Variants in MACROD2 observed in about 807,000 individuals in gnomAD.
MACROD2 encodes the protein mono-ADP ribosylhydrolase 2, also known as ADP-ribose glycohydrolase MACROD2.
A neutral mutation model predicts 70.4 loss-of-function variants in MACROD2; 36 were observed. The observed-to-expected ratio is 0.51, with a 90% CI of 0.39 to 0.68. The LOEUF is 0.68. Among genes scored for constraint, MACROD2 ranks in the 30% least tolerant of loss-of-function variants. The pLI, the probability that MACROD2 is intolerant of heterozygous loss-of-function variation, is 0.00. For synonymous variants in MACROD2, 172 were observed against 178.8 expected (o/e 0.96, Z 0.30); for missense variants, 496 against 538.4 (o/e 0.92, Z 0.78).
chr20:15,812,198 A>G (rs763651502), intron 8 of MACROD2, among the ~76,000 whole-genome samples: 1 of 152,324 alleles, frequency 6.6e-6, no homozygotes, highest in African/African-American at 2.4e-5. Context: ...TTCTTTACTT[A>G]TAACACAATG....
At chr20:15,892,153 G>C (rs1037860285) in intron 10 of MACROD2, among the ~76,000 whole-genome samples, 8 of 152,156 alleles carry the variant, frequency 5.3e-5, no homozygotes, top group African/African-American at 1.9e-4. Context: ...CAGCAGGGGT[G>C]GTGAAGGTGG....
chr20:14,538,621 C>A (rs1447161395), intron 4 of MACROD2, among the ~76,000 whole-genome samples: 1 of 152,126 alleles, frequency 6.6e-6, no homozygotes, highest in Non-Finnish European at 1.5e-5. Flanking sequence ...ACCACACCGG[C>A]CTTCTTTCTA....
intron 5 of MACROD2, among the ~76,000 whole-genome samples, chr20:14,931,146 A>T (rs1365774389): frequency 2.6e-5 from 4 of 152,192 alleles, no homozygotes; most frequent in Non-Finnish European, 5.9e-5. Flanking sequence ...GGAAGCAACC[A>T]GAAAACACAT....
At chr20:14,194,660 T>A (rs1404097471) in intron 3 of MACROD2, among the ~76,000 whole-genome samples, 1 of 152,116 alleles carries the variant, frequency 6.6e-6, no homozygotes, top group Non-Finnish European at 1.5e-5. Context: ...TAAGTGTGCC[T>A]TGATGCGAAG....
At chr20:14,605,950 A>G (rs1462006834) in intron 4 of MACROD2, among the ~76,000 whole-genome samples, 1 of 152,174 alleles carries the variant, frequency 6.6e-6, no homozygotes, top group Non-Finnish European at 1.5e-5. Flanking sequence ...TGTGTCTAGT[A>G]ATATTACCCA....
intron 13 of MACROD2, among the ~76,000 whole-genome samples, chr20:15,984,252 C>T (rs1032692824): frequency 6.6e-6 from 1 of 152,062 alleles, no homozygotes; most frequent in Admixed American, 6.5e-5. Context: ...TGTTTACACA[C>T]AGAATTTTCT....
chr20:15,467,039 C>T (rs2046901287), intron 7 of MACROD2, among the ~76,000 whole-genome samples: 1 of 152,330 alleles, frequency 6.6e-6, no homozygotes, highest in East Asian at 1.9e-4. Context: ...TGTCTATGCT[C>T]ACCATGTCCA....
intron 3 of MACROD2, among the ~76,000 whole-genome samples, chr20:14,477,049 G>C (rs1344855159): frequency 6.6e-6 from 1 of 152,136 alleles, no homozygotes; most frequent in East Asian, 1.9e-4. Context: ...GTTAACATCA[G>C]AATAATCTTT....
At chr20:14,669,388 A>G (rs771787112) in intron 4 of MACROD2, among the ~76,000 whole-genome samples, 3 of 152,200 alleles carry the variant, frequency 2.0e-5, no homozygotes, top group Non-Finnish European at 4.4e-5. Context: ...ACATCCAAGT[A>G]AAAGTTCAGA....
At chr20:14,143,916 A>G (rs544836142) in intron 3 of MACROD2, among the ~76,000 whole-genome samples, 1 of 152,338 alleles carries the variant, frequency 6.6e-6, no homozygotes, top group South Asian at 2.1e-4. Flanking sequence ...TCAATTCTGC[A>G]TTAAGGTTCC....
At chr20:15,192,889 C>G (rs1367787084) in intron 5 of MACROD2, among the ~76,000 whole-genome samples, 14 of 152,170 alleles carry the variant, frequency 9.2e-5, no homozygotes, top group Admixed American at 9.2e-4. Context: ...TTATAGTTTG[C>G]AATGTTCCTA....
At position 14,326,131 on chromosome 20, in the gene MACROD2, C is replaced by T. The variant is rs1213644026; in HGVS notation, c.272-167348C>T. ...TGTGACCAAGTACTCACTGCGTTCC[C>T]CTGTTACAATTGTTTCTGTTATAGA... On this transcript the variant is annotated intron_variant, in intron 3 of 17. Transcript: ENST00000684519. The surrounding 1 kb of genome is among the most constrained non-coding windows in gnomAD (Gnocchi z 5.5). The T allele has an allele frequency of 6.2e-7, 1 of 1,613,696 alleles. No individual in the cohort carries two copies. Among genetic ancestry groups the T allele is most frequent in the Non-Finnish European group, 8.5e-7 (1 of 1,179,876 alleles).
chr20:14,912,864 T>TG (rs1336297484), intron 5 of MACROD2, among the ~76,000 whole-genome samples: 3 of 152,194 alleles, frequency 2.0e-5, no homozygotes, highest in Non-Finnish European at 4.4e-5. Context: ...GATCTCACTG[T>TG]GGGGGCTCAT....
At chr20:15,021,266 G>GTGTATACACACACC (rs1182532373) in intron 5 of MACROD2, among the ~76,000 whole-genome samples, 3 of 12,794 alleles carry the variant, frequency 2.3e-4, no homozygotes, top group Admixed American at 1.0e-3. Context: ...ACACACCTGT[G>GTGTATACACACACC]TGTGTGTATA....
chr20:16,006,945 G>C (rs139782550), intron 15 of MACROD2, among the ~76,000 whole-genome samples: 4 of 152,154 alleles, frequency 2.6e-5, no homozygotes, highest in Non-Finnish European at 5.9e-5. Flanking sequence ...TAGGTATGGA[G>C]ATGTGCCTGT....
intron 2 of MACROD2, among the ~76,000 whole-genome samples, chr20:14,011,378 G>T (rs1248347256): frequency 6.6e-6 from 1 of 152,100 alleles, no homozygotes; most frequent in Non-Finnish European, 1.5e-5. Flanking sequence ...GACTGTATTT[G>T]CGTAAAACAG....
At chr20:14,844,076 C>A (rs2073114039) in intron 5 of MACROD2, among the ~76,000 whole-genome samples, 1 of 152,072 alleles carries the variant, frequency 6.6e-6, no homozygotes, top group Admixed American at 6.6e-5. Context: ...ACTATCCTGG[C>A]CTTCCACCTC....
rs144088984 is a variant in MACROD2, at chr20:15,154,415, A to G, written c.419-75525A>G. On this transcript the variant is annotated intron_variant, in intron 5 of 17. Coordinates refer to ENST00000684519, the MANE Select transcript of MACROD2 (RefSeq NM_001351661.2). ...CCAACTGGATGAAAGCTCTCTACCT[A>G]CTTTGGGCAGATGAGTCACATGACA... Among the ~76,000 whole-genome samples, 697 of 152,344 alleles carry G rather than the reference A, an allele frequency of 4.6e-3. 6 individuals carry two copies. The highest frequency in any genetic ancestry group is 0.013 in the African/African-American group (559 of 41,582).
At chr20:15,583,435 A>T (rs1568909528) in intron 8 of MACROD2, among the ~76,000 whole-genome samples, 1 of 152,198 alleles carries the variant, frequency 6.6e-6, no homozygotes, top group Non-Finnish European at 1.5e-5. Context: ...AAATTGGGGA[A>T]TGCAATCCTG....
Sources: allele counts gnomAD v4.1 joint callset (sites outside exome capture counted in the v4.1 genomes callset), GRCh38; gene constraint gnomAD v4.1.1; non-coding constraint Gnocchi (gnomAD v3.1); transcripts MANE v1.5; gene names NCBI Gene and HGNC (gene_info 2026-07-23, HGNC 2026-07-21).